Variants in CEP128 observed in about 807,000 individuals in gnomAD.
The protein encoded by CEP128 is centrosomal protein 128.
A neutral mutation model predicts 156.7 loss-of-function variants in CEP128; 132 were observed. The ratio of observed to expected loss-of-function variants is 0.84; its 90% CI spans 0.73 to 0.97. CEP128 has a LOEUF of 0.97. Among genes scored for constraint, CEP128 ranks in the 50% least tolerant of loss-of-function variants. The pLI, the probability that CEP128 is intolerant of heterozygous loss-of-function variation, is 0.00. For missense variants in CEP128, 1,252 were observed against 1,281.9 expected (o/e 0.98, Z 0.36); for synonymous variants, 469 against 448.9 (o/e 1.04, Z -0.57).
chr14:80,852,572 TAATAA>T lies in CEP128; in HGVS notation c.762+10180_762+10184del, dbSNP rs906163853. Among the ~76,000 whole-genome samples, 23 of 151,664 alleles carry T rather than the reference TAATAA, an allele frequency of 1.5e-4. 1 individual carries two copies. The highest frequency in any genetic ancestry group is 5.3e-4 in the African/African-American group (22 of 41,370). The stretch of plus-strand genomic sequence containing the variant: ...AAACAAAGCCAGTCAAAAAGAAAAC[TAATAA>T]AATAATACTATTTCTAGCAAGACTT... On this transcript the variant is annotated intron_variant, in intron 9 of 24. Transcript: ENST00000555265.
rs71103882 is a variant in CEP128 at position 80,801,910 on chromosome 14, C to CAAAAAAAAAAAAAAA, written c.1210-8815_1210-8801dup. Among the ~76,000 whole-genome samples, 4 of 43,386 alleles carry CAAAAAAAAAAAAAAA rather than the reference C, an allele frequency of 9.2e-5. 2 individuals are homozygous for CAAAAAAAAAAAAAAA. Among genetic ancestry groups the CAAAAAAAAAAAAAAA allele is most frequent in the African/African-American group, 4.6e-4 (4 of 8,786 alleles). 28.5% of individuals were successfully genotyped at this position (43,386 alleles called of 152,430 possible). On this transcript the variant is annotated intron_variant, in intron 13 of 24. Transcript: ENST00000555265. ...GTGACAGTGTGAGACTCTGTCTCCC[C>CAAAAAAAAAAAAAAA]AAAAAAAAAAAAAAAAAAAAAAAAA...
intron 21 of CEP128, among the ~76,000 whole-genome samples, chr14:80,542,504 AG>A (rs1474431663): frequency 9.9e-5 from 15 of 152,216 alleles, no homozygotes; most frequent in Admixed American, 2.0e-4. Context: ...AAGAAGAATG[AG>A]GGGATGGTAA....
intron 8 of CEP128, among the ~76,000 whole-genome samples, chr14:80,866,573 C>G (rs1887778841): frequency 6.6e-6 from 1 of 152,176 alleles, no homozygotes; most frequent in African/African-American, 2.4e-5. Flanking sequence ...CAGCAAAGCT[C>G]ATTAATGAGC....
chr14:80,682,631 G>C (rs1595209973), intron 19 of CEP128, among the ~76,000 whole-genome samples: 1 of 152,192 alleles, frequency 6.6e-6, no homozygotes, highest in East Asian at 1.9e-4. Flanking sequence ...TATCATCAAG[G>C]AATATAGTCA....
intron 19 of CEP128, among the ~76,000 whole-genome samples, chr14:80,684,686 G>C (rs1433481252): frequency 2.0e-5 from 3 of 148,946 alleles, no homozygotes; most frequent in African/African-American, 7.4e-5. Context: ...GAAACACACA[G>C]GCAAAAATCC....
intron 13 of CEP128, among the ~76,000 whole-genome samples, chr14:80,815,657 G>A (rs748267705): frequency 2.0e-5 from 3 of 152,214 alleles, no homozygotes; most frequent in Non-Finnish European, 2.9e-5. Context: ...CAAAGATAAG[G>A]AATCAGTGTA....
At chr14:80,487,744 A>G (rs1313572226), downstream of CEP128, among the ~76,000 whole-genome samples, 3 of 152,196 alleles carry the variant, frequency 2.0e-5, no homozygotes, top group Non-Finnish European at 4.4e-5. Flanking sequence ...GCTCAACTAC[A>G]TGGAAACTGA....
intron 19 of CEP128, among the ~76,000 whole-genome samples, chr14:80,740,158 T>C (rs1898736761): frequency 6.6e-6 from 1 of 152,134 alleles, no homozygotes; most frequent in Non-Finnish European, 1.5e-5. Context: ...TCCTTTAGTG[T>C]TCTTTCATTA....
intron 19 of CEP128, among the ~76,000 whole-genome samples, chr14:80,702,972 T>TTATGTATG (rs567968548): frequency 1.6e-3 from 241 of 152,212 alleles, no homozygotes; most frequent in Non-Finnish European, 2.3e-3. Context: ...TATAAAAAGA[T>TTATGTATG]TATGTATGTA....
intron 15 of CEP128, among the ~76,000 whole-genome samples, chr14:80,781,372 G>A (rs1329333896): frequency 6.7e-6 from 1 of 148,512 alleles, no homozygotes; most frequent in Non-Finnish European, 1.5e-5. Context: ...CAGGAGAATT[G>A]CTTGAACCCG....
rs75414529 is a variant in CEP128, at chr14:80,548,687, G to C, written c.2880+10592C>G. 3.2e-3 allele frequency among the ~76,000 whole-genome samples: 485 copies of C among 152,228 alleles called. 3 individuals carry two copies. The highest frequency in any genetic ancestry group is 0.011 in the African/African-American group (468 of 41,548). ...CTGTTCTTAATATTGTTTAGAACAGGCCTATAAAACACATTATCAACCAAG... is the reference window on the plus strand; with the variant it reads ...CTGTTCTTAATATTGTTTAGAACAGCCCTATAAAACACATTATCAACCAAG... On this transcript the variant is annotated intron_variant, in intron 21 of 24. Coordinates refer to ENST00000555265, the MANE Select transcript of CEP128 (RefSeq NM_152446.5).
intron 19 of CEP128, among the ~76,000 whole-genome samples, chr14:80,619,517 CG>C (rs1893381903): frequency 6.7e-6 from 1 of 148,724 alleles, no homozygotes; most frequent in South Asian, 2.2e-4. Flanking sequence ...CCGGCCACCA[CG>C]GTGAAACCTC....
intron 15 of CEP128, among the ~76,000 whole-genome samples, 181 bp from the exon 16 acceptor site, chr14:80,778,227 A>C (rs919423334): frequency 6.6e-6 from 1 of 152,240 alleles, no homozygotes; most frequent in Admixed American, 6.5e-5. Flanking sequence ...ATCGCTCATC[A>C]GTATTTACCA....
In CEP128 at chr14:80,769,181, T is replaced by G. The variant is rs568076883; in HGVS notation, c.2377-7568A>C. Among the ~76,000 whole-genome samples the G allele has an allele frequency of 2.0e-5, 3 of 152,126 alleles. No individual in the cohort carries two copies. The South Asian group carries it at 6.2e-4, about 32-fold the overall frequency. ...AAAAGAAAAAAATTATCATTCATAT[T>G]GAGAGAAATGTTTATAAGGTTACAG... On this transcript the variant is annotated intron_variant, in intron 16 of 24. Coordinates refer to ENST00000555265, the MANE Select transcript of CEP128 (RefSeq NM_152446.5).
chr14:80,540,206 C>G (rs1003658979), intron 21 of CEP128, among the ~76,000 whole-genome samples: 3 of 146,916 alleles, frequency 2.0e-5, no homozygotes, highest in African/African-American at 2.7e-5. Context: ...CACCCCCCCC[C>G]CTTTTGAAAC....
At chr14:80,481,327 G>A (rs766715968) in intron 14 of CEP128, among the ~76,000 whole-genome samples, 3 of 152,178 alleles carry the variant, frequency 2.0e-5, no homozygotes, top group African/African-American at 4.8e-5. Context: ...ATTAGCTCTC[G>A]TAAGGCTTAT....
intron 23 of CEP128, among the ~76,000 whole-genome samples, chr14:80,524,959 TC>T (rs1169932655): frequency 7.9e-5 from 12 of 152,182 alleles, no homozygotes; most frequent in African/African-American, 2.9e-4. Flanking sequence ...TAAACAGAAC[TC>T]CGATGAGATT....
At chr14:80,530,331 T>G (rs1215565162) in intron 22 of CEP128, among the ~76,000 whole-genome samples, 1 of 152,206 alleles carries the variant, frequency 6.6e-6, no homozygotes, top group African/African-American at 2.4e-5. Flanking sequence ...TGCTTTGTGG[T>G]TAGAGGTCTA....
chr14:80,576,783 G>A (rs921689732), intron 20 of CEP128, among the ~76,000 whole-genome samples: 2 of 152,120 alleles, frequency 1.3e-5, no homozygotes, highest in Admixed American at 1.3e-4. Flanking sequence ...GGATCTTGAG[G>A]AGACCCAGGA....
Sources: gnomAD v4.1 joint callset for allele counts (sites outside exome capture counted in the v4.1 genomes callset) on GRCh38, gnomAD v4.1.1 for gene constraint, MANE v1.5 for transcripts, NCBI Gene and HGNC (gene_info 2026-07-23, HGNC 2026-07-21) for gene names.